The following LRRC7 variants were observed in gnomAD, a reference collection of about 807,000 sequenced individuals.
LRRC7 encodes the protein leucine rich repeat containing 7.
In LRRC7, 23 loss-of-function variants were observed where a neutral mutation model predicts 175.7. The observed-to-expected ratio is 0.13, with a 90% CI of 0.09 to 0.19. The LOEUF is 0.19. Among genes scored for constraint, LRRC7 ranks in the 10% least tolerant of loss-of-function variants. LRRC7 has a pLI of 1.00. For missense variants in LRRC7, 1,354 were observed against 1,904.7 expected (o/e 0.71, Z 5.38); for synonymous variants, 685 against 680.9 (o/e 1.01, Z -0.09).
rs1666518020 is a variant in LRRC7 at position 70,128,015 on chromosome 1, G to C, written c.*6128G>C. 6.6e-6 allele frequency among the ~76,000 whole-genome samples: 1 copy of C among 152,002 alleles called. No homozygotes were observed. The highest frequency in any genetic ancestry group is 1.5e-5 in the Non-Finnish European group (1 of 68,008). On this transcript the variant is annotated 3_prime_UTR_variant, in exon 27 of 27. Coordinates refer to ENST00000651989, the MANE Select transcript of LRRC7 (RefSeq NM_001370785.2). ...CTTGCTGTGTCACCCAGGCTGGAGTGCAGTAGCGCTATCTTGGCTCACTGT... is the reference window on the plus strand; with the variant it reads ...CTTGCTGTGTCACCCAGGCTGGAGTCCAGTAGCGCTATCTTGGCTCACTGT...
At chr1:69,855,704 C>CG (rs1344740334) in intron 7 of LRRC7, among the ~76,000 whole-genome samples, 2 of 152,054 alleles carry the variant, frequency 1.3e-5, no homozygotes, top group African/African-American at 4.8e-5. Flanking sequence ...TCTCGTTGAT[C>CG]TGTCTAATGT....
intron 2 of LRRC7, among the ~76,000 whole-genome samples, chr1:69,722,735 G>A (rs1436479505): frequency 1.3e-5 from 2 of 152,002 alleles, no homozygotes; most frequent in Admixed American, 6.6e-5. Context: ...TGTTTCATAT[G>A]TGTATTAGTC....
chr1:70,004,410 C>G (rs1004883440), intron 11 of LRRC7, among the ~76,000 whole-genome samples: 3 of 152,118 alleles, frequency 2.0e-5, no homozygotes, highest in Non-Finnish European at 4.4e-5. Context: ...ATTGTAGAAT[C>G]TCTGAAAATG....
At chr1:69,767,728 C>T (rs770676836) in intron 3 of LRRC7, among the ~76,000 whole-genome samples, 3 of 152,148 alleles carry the variant, frequency 2.0e-5, no homozygotes, top group Non-Finnish European at 4.4e-5. Flanking sequence ...TCCCAAAGTG[C>T]TGGATTTACA....
At chr1:69,885,042 A>G (rs1292808209) in intron 7 of LRRC7, among the ~76,000 whole-genome samples, 1 of 138,108 alleles carries the variant, frequency 7.2e-6, no homozygotes, top group South Asian at 2.4e-4. Flanking sequence ...GGATTTTTGC[A>G]TCAATGTTCA....
chr1:69,815,258 C>T (rs1279291744), intron 4 of LRRC7, among the ~76,000 whole-genome samples: 2 of 152,190 alleles, frequency 1.3e-5, no homozygotes, highest in African/African-American at 4.8e-5. Flanking sequence ...TACAGAAGAT[C>T]TTTGGAAAAC....
rs141932871 is a variant in LRRC7, at chr1:70,038,682, G to T, written c.2858G>T (p.Arg953Leu). 3.1e-6 allele frequency: 5 copies of T among 1,613,884 alleles called. No homozygotes were observed. Among genetic ancestry groups the T allele is most frequent in the Non-Finnish European group, 4.2e-6 (5 of 1,180,006 alleles). The change falls in exon 21 of 27, where the codon CGC becomes CTC. Residue 953 changes from arginine (R) to leucine (L), a missense_variant. Transcript: ENST00000651989. ...AATGTCTTTTCTCAAATCCACTGCCGCCCGGAATCTTCTAAAGGTGTTATT... is the reference window on the plus strand; with the variant it reads ...AATGTCTTTTCTCAAATCCACTGCCTCCCGGAATCTTCTAAAGGTGTTATT... Reference protein sequence around the residue: ...LSNVFSQIHCRPESSKGVISI... With the variant: ...LSNVFSQIHCLPESSKGVISI...
At chr1:70,024,177 T>A (rs530699458) in intron 17 of LRRC7, among the ~76,000 whole-genome samples, 6 of 151,918 alleles carry the variant, frequency 3.9e-5, no homozygotes. Flanking sequence ...TTCCAACTAA[T>A]TCTCGAAGTA....
intron 2 of LRRC7, among the ~76,000 whole-genome samples, chr1:69,689,562 C>T (rs1295971684): frequency 1.3e-5 from 2 of 152,184 alleles, no homozygotes; most frequent in Non-Finnish European, 2.9e-5. Context: ...ACTAAACATT[C>T]CTACCCAGCT....
chr1:69,707,387 T>C (rs999670079), intron 2 of LRRC7, among the ~76,000 whole-genome samples: 3 of 152,170 alleles, frequency 2.0e-5, no homozygotes, highest in African/African-American at 7.2e-5. Context: ...TTCCACAGTG[T>C]CTGTCAGCAT....
intron 3 of LRRC7, among the ~76,000 whole-genome samples, chr1:69,777,015 T>C (rs1179534927): frequency 1.2e-4 from 18 of 152,132 alleles, no homozygotes; most frequent in Admixed American, 6.5e-5. Context: ...TTAAATAGGA[T>C]TGAATTTTAG....
At position 70,121,838 on chromosome 1, in the gene LRRC7, G is replaced by A; in HGVS notation, c.4679G>A (p.Ser1560Asn). The A allele has an allele frequency of 6.2e-7, 1 of 1,612,640 alleles. No individual in the cohort carries two copies. The highest frequency in any genetic ancestry group is 1.1e-5 in the South Asian group (1 of 91,002). ...EHEKAVLLLK[S>N]FQNTVDLVIQ... ...GAAAAAGCTGTATTACTACTGAAGA[G>A]TTTCCAGAACACAGTAGACCTAGTT... Residue 1560 changes from serine (S) to asparagine (N), a missense_variant, in exon 27 of 27, where the codon AGT becomes AAT. By Grantham distance (46) the Ser-to-Asn change is conservative (BLOSUM62 1). Coordinates refer to ENST00000651989, the MANE Select transcript of LRRC7 (RefSeq NM_001370785.2).
chr1:69,796,194 C>T (rs1306620782), intron 4 of LRRC7, among the ~76,000 whole-genome samples: 2 of 143,038 alleles, frequency 1.4e-5, no homozygotes, highest in African/African-American at 2.6e-5. Context: ...GTTCAATTCC[C>T]ACCTATGAGT....
chr1:69,860,687 A>T (rs1317931904), intron 7 of LRRC7, among the ~76,000 whole-genome samples: 2 of 152,090 alleles, frequency 1.3e-5, no homozygotes, highest in African/African-American at 2.4e-5. Flanking sequence ...TATTCCATTC[A>T]CTAGAGCAAC....
At chr1:69,857,598 A>G (rs1458697180) in intron 7 of LRRC7, among the ~76,000 whole-genome samples, 1 of 152,204 alleles carries the variant, frequency 6.6e-6, no homozygotes, top group African/African-American at 2.4e-5. Flanking sequence ...CTACTGCTCA[A>G]CGAAATAAAA....
intron 1 of LRRC7, among the ~76,000 whole-genome samples, chr1:69,624,839 T>C (rs1296629957): frequency 6.6e-6 from 1 of 152,308 alleles, no homozygotes; most frequent in East Asian, 1.9e-4. Flanking sequence ...TTCTGGACTG[T>C]TGTTTTTCAT....
At position 70,125,601 on chromosome 1, in the gene LRRC7, G is replaced by C. The variant is rs1166331930; in HGVS notation, c.*3714G>C. 2.0e-5 allele frequency among the ~76,000 whole-genome samples: 3 copies of C among 151,860 alleles called. No individual in the cohort carries two copies. Among genetic ancestry groups the C allele is most frequent in the East Asian group, 1.9e-4 (1 of 5,180 alleles). On this transcript the variant is annotated 3_prime_UTR_variant, in exon 27 of 27. Transcript: ENST00000651989. ...AGGTCAGGAGATCGAGACCATCCCAGCTAAAACGGTGAAACCCCGTCTCTA... is the reference window on the plus strand; with the variant it reads ...AGGTCAGGAGATCGAGACCATCCCACCTAAAACGGTGAAACCCCGTCTCTA...
At position 70,141,977 on chromosome 1, in the gene LRRC7, T is replaced by C. The variant is rs771546225; in HGVS notation, c.*20090T>C. Reference sequence around the variant, plus strand: ...ATGGACAAAAGAAATCACATTGTATTTCTTTGTATCTCTCCATTCCTCTTA... The same window carrying C: ...ATGGACAAAAGAAATCACATTGTATCTCTTTGTATCTCTCCATTCCTCTTA... On this transcript the variant is annotated 3_prime_UTR_variant, in exon 27 of 27. Transcript: ENST00000651989. The C allele has an allele frequency of 1.3e-5, 2 of 152,072 alleles. No individual in the cohort carries two copies. Among genetic ancestry groups the C allele is most frequent in the Non-Finnish European group, 2.9e-5 (2 of 67,964 alleles). The allele number at this position is 152,072 out of a possible 1,614,324, so 9.4% of individuals were successfully genotyped here.
chr1:69,977,042 T>C (rs1652887230), intron 8 of LRRC7, among the ~76,000 whole-genome samples: 1 of 152,168 alleles, frequency 6.6e-6, no homozygotes. Context: ...ATTTATCTGC[T>C]TCCACCCCAA....
Sources: allele counts gnomAD v4.1 joint callset (sites outside exome capture counted in the v4.1 genomes callset), GRCh38; gene constraint gnomAD v4.1.1; transcripts MANE v1.5; gene names NCBI Gene and HGNC (gene_info 2026-07-23, HGNC 2026-07-21).